The following SIPA1L3 variants were observed in gnomAD, a reference collection of about 807,000 sequenced individuals.
SIPA1L3 encodes signal-induced proliferation-associated 1-like protein 3.
Under a neutral mutation model 150.1 loss-of-function variants are expected in SIPA1L3, and 59 were observed. The ratio of observed to expected loss-of-function variants is 0.39; its 90% confidence interval spans 0.32 to 0.49. SIPA1L3 has a LOEUF of 0.49. SIPA1L3 is among the 20% of genes least tolerant of loss of function. SIPA1L3 has a pLI of 0.86. For missense variants in SIPA1L3, 2,211 were observed against 2,489.5 expected (o/e 0.89, Z 2.38); for synonymous variants, 1,070 against 1,077.6 (o/e 0.99, Z 0.14).
intron 4 of SIPA1L3, among the ~76,000 whole-genome samples, chr19:38,097,458 T>A (rs1381269458): frequency 6.6e-6 from 1 of 152,178 alleles, no homozygotes; most frequent in Non-Finnish European, 1.5e-5. Flanking sequence ...GAAAAAGGGG[T>A]ACAAATGGGC....
At chr19:38,133,141 T>C (rs561245162) in intron 10 of SIPA1L3, among the ~76,000 whole-genome samples, 2 of 152,168 alleles carry the variant, frequency 1.3e-5, no homozygotes, top group East Asian at 3.9e-4. Flanking sequence ...GCAGCACTCC[T>C]AGGTATGCAT....
rs760743226 is a variant in SIPA1L3, at chr19:38,082,591, C to T, written c.1026C>T (p.His342=). The T allele has an allele frequency of 6.2e-7, 1 of 1,604,132 alleles. No homozygotes were observed. Among genetic ancestry groups the T allele is most frequent in the Non-Finnish European group, 8.5e-7 (1 of 1,179,710 alleles). Residue 342 remains histidine, a synonymous_variant, in exon 3 of 22, where the codon CAC becomes CAT. Transcript: ENST00000222345. ...RPWVCQKSFA[H]FDVQSMLFDL... is the part of the protein sequence containing the mutation. ...GGGTGTGTCAGAAGAGCTTCGCCCA[C>T]TTCGACGTGCAGAGCATGCTGTTCG...
chr19:38,091,793 C>T (rs765413518), intron 4 of SIPA1L3, among the ~76,000 whole-genome samples: 3 of 152,122 alleles, frequency 2.0e-5, no homozygotes, highest in Non-Finnish European at 4.4e-5. Flanking sequence ...CGTGGAGGCT[C>T]ACGTCTGTAA....
intron 13 of SIPA1L3, among the ~76,000 whole-genome samples, chr19:38,154,528 A>G (rs1971898358): frequency 6.6e-6 from 1 of 152,046 alleles, no homozygotes; most frequent in African/African-American, 2.4e-5. Flanking sequence ...GCTCACCGCA[A>G]CCTCCAACTC....
chr19:37,929,847 C>G (rs567555774), intron 1 of SIPA1L3, among the ~76,000 whole-genome samples: 3 of 152,002 alleles, frequency 2.0e-5, no homozygotes, highest in East Asian at 3.9e-4. Context: ...ATGTCTGTAT[C>G]TATGTATGTA....
intron 21 of SIPA1L3, 121 bp from the exon 22 acceptor site, chr19:38,205,976 T>G (rs1973201019): frequency 8.4e-7 from 1 of 1,189,174 alleles, no homozygotes; most frequent in Non-Finnish European, 1.1e-6. Flanking sequence ...CGGCCTGGCC[T>G]GGCTCTAGTG....
chr19:38,134,889 A>C (rs1971400157), intron 10 of SIPA1L3, among the ~76,000 whole-genome samples: 1 of 152,096 alleles, frequency 6.6e-6, no homozygotes, highest in Admixed American at 6.6e-5. Context: ...TTGGAGACAG[A>C]CCAGAAAGAG....
chr19:38,182,486 G>GT (rs3833273), intron 15 of SIPA1L3, 33 bp from the exon 16 acceptor site: 74 of 1,521,358 alleles, frequency 4.9e-5, no homozygotes, highest in South Asian at 3.5e-4. Context: ...AATGGATTTG[G>GT]TTTTTTTTAT....
At chr19:38,203,272 G>T (rs945953345) in intron 20 of SIPA1L3, among the ~76,000 whole-genome samples, 3 of 152,324 alleles carry the variant, frequency 2.0e-5, no homozygotes, top group South Asian at 2.1e-4. Context: ...CCCCTGGGCG[G>T]CGCTCCTGGA....
intron 18 of SIPA1L3, among the ~76,000 whole-genome samples, chr19:38,194,776 C>T (rs764647502): frequency 3.9e-5 from 6 of 152,280 alleles, no homozygotes; most frequent in South Asian, 2.1e-4. Context: ...GCAGGCCGGG[C>T]GCGGTGGCTC....
chr19:38,124,738 G>A (rs1180646446), intron 9 of SIPA1L3, among the ~76,000 whole-genome samples: 2 of 152,232 alleles, frequency 1.3e-5, no homozygotes, highest in Non-Finnish European at 2.9e-5. Context: ...ACCAGACTCC[G>A]TCTGCAATCC....
At chr19:38,029,723 G>A (rs1028151106) in intron 2 of SIPA1L3, among the ~76,000 whole-genome samples, 5 of 149,980 alleles carry the variant, frequency 3.3e-5, no homozygotes, top group African/African-American at 7.4e-5. Flanking sequence ...TTCAGCCTCC[G>A]GAGTAGCTGG....
intron 1 of SIPA1L3, among the ~76,000 whole-genome samples, chr19:37,981,534 G>A (rs1296663589): frequency 2.6e-5 from 4 of 151,330 alleles, no homozygotes. Flanking sequence ...CTTGATTTTT[G>A]TCACTTGCAA....
At chr19:38,013,333 G>C (rs981387964) in intron 1 of SIPA1L3, among the ~76,000 whole-genome samples, 1 of 152,112 alleles carries the variant, frequency 6.6e-6, no homozygotes, top group Non-Finnish European at 1.5e-5. Context: ...GAGGATTAAT[G>C]AGCTCAACTG....
chr19:37,923,293 T>G (rs2046473047), intron 1 of SIPA1L3, among the ~76,000 whole-genome samples: 1 of 152,210 alleles, frequency 6.6e-6, no homozygotes, highest in African/African-American at 2.4e-5. Context: ...TTTTGTTGTG[T>G]GAACCTCATG....
At chr19:38,051,168 G>A (rs1284618727) in intron 2 of SIPA1L3, among the ~76,000 whole-genome samples, 1 of 152,104 alleles carries the variant, frequency 6.6e-6, no homozygotes, top group African/African-American at 2.4e-5. Flanking sequence ...TTCTCCTCTG[G>A]GTAGCACATA....
intron 2 of SIPA1L3, among the ~76,000 whole-genome samples, chr19:38,072,643 T>C (rs2145803159): frequency 6.6e-6 from 1 of 152,338 alleles, no homozygotes; most frequent in African/African-American, 2.4e-5. Flanking sequence ...TCTCACTGGT[T>C]CTGATCAGGC....
rs528673872 is a variant in SIPA1L3 at position 38,130,521 on chromosome 19, G to C, written c.2892G>C (p.Thr964=). ...RLKVMTSGWE[T]VDMTLRRNGL... is the part of the protein sequence containing the mutation. ...AGGTGATGACCAGTGGCTGGGAGAC[G>C]GTGGACATGACGCTTCGGCGGAACG... Residue 964 remains threonine (T), a synonymous_variant, in exon 10 of 22, where the codon ACG becomes ACC. Transcript: ENST00000222345. 1 of 1,612,620 alleles carries C rather than the reference G, an allele frequency of 6.2e-7. No individual in the cohort carries two copies. Among genetic ancestry groups the C allele is most frequent in the Admixed American group, 1.7e-5 (1 of 59,988 alleles).
chr19:37,948,835 T>G (rs1403924687), intron 1 of SIPA1L3, among the ~76,000 whole-genome samples: 2 of 152,138 alleles, frequency 1.3e-5, no homozygotes, highest in African/African-American at 4.8e-5. Context: ...AGAGGTTGCC[T>G]TTGAGTCAAG....
Sources: allele counts gnomAD v4.1 joint callset (sites outside exome capture counted in the v4.1 genomes callset), GRCh38; gene constraint gnomAD v4.1.1; transcripts MANE v1.5; gene names NCBI Gene and HGNC (gene_info 2026-07-23, HGNC 2026-07-21).